ACSL6: variants seen among roughly 807,000 people sequenced by gnomAD.
ACSL6 encodes the protein acyl-CoA synthetase long chain family member 6.
ACSL6 carries 47 observed loss-of-function variants against 98.2 expected under a neutral mutation model. The observed-to-expected ratio is 0.48, with a 90% confidence interval of 0.38 to 0.61. The LOEUF (loss-of-function observed/expected upper bound fraction) is 0.61, where lower values mean the gene tolerates loss of function less well. Ranked by LOEUF, ACSL6 falls within the 20% of genes least tolerant of loss-of-function variation. The pLI is 0.00. For missense variants in ACSL6, 761 were observed against 913.4 expected (o/e 0.83, Z 2.15); for synonymous variants, 362 against 336.9 (o/e 1.07, Z -0.82).
At chr5:131,977,890 G>C (rs1034740331) in intron 9 of ACSL6, among the ~76,000 whole-genome samples, 2 of 151,866 alleles carry the variant, frequency 1.3e-5, no homozygotes, top group Non-Finnish European at 2.9e-5. Context: ...GAGAGAGAGA[G>C]AGAACTTTTT....
At chr5:131,973,500 T>G in intron 11 of ACSL6, 100 bp from the exon 12 acceptor site, 2 of 1,257,158 alleles carry the variant, frequency 1.6e-6, no homozygotes, top group Non-Finnish European at 2.2e-6. Context: ...AGGGCACCCA[T>G]GACCCCCTGA....
rs1313910098 is a variant in ACSL6, at chr5:131,952,770, G to A, written c.*1464C>T. On this transcript the variant is annotated 3_prime_UTR_variant, in exon 21 of 21. Transcript: ENST00000651883. ...AAGGAGGTTTTAGTGGTTAAACTTC[G>A]GCACGCTTAAAGATTTTAGGAATGT... 5 of 218,224 alleles carry A rather than the reference G, an allele frequency of 2.3e-5. No individual in the cohort carries two copies. Among genetic ancestry groups the A allele is most frequent in the Non-Finnish European group, 1.8e-5 (2 of 108,756 alleles). The allele number at this position is 218,224 out of a possible 1,614,324, so 13.5% of individuals were successfully genotyped here.
At chr5:131,989,957 A>C (rs544869274) in intron 4 of ACSL6, 143 bp downstream of exon 4, 1 of 863,804 alleles carries the variant, frequency 1.2e-6, no homozygotes, top group South Asian at 1.7e-5. Flanking sequence ...AAGCCCTTCA[A>C]GGCTGTTGCC....
intron 9 of ACSL6, among the ~76,000 whole-genome samples, chr5:131,978,114 GGGAATCTGGATATGGAGT>G (rs1753714027): frequency 6.6e-6 from 1 of 152,222 alleles, no homozygotes; most frequent in African/African-American, 2.4e-5. Context: ...ATTAATCCCA[GGGAATCTGGATATGGAGT>G]CTACAGAAGG....
intron 9 of ACSL6, among the ~76,000 whole-genome samples, chr5:131,977,204 G>T (rs1433641481): frequency 1.3e-5 from 2 of 152,260 alleles, no homozygotes; most frequent in South Asian, 2.1e-4. Flanking sequence ...CCAGGCTGGA[G>T]ATCCAAGAGG....
chr5:131,956,777 A>G (rs1387486112), intron 20 of ACSL6, among the ~76,000 whole-genome samples: 1 of 152,156 alleles, frequency 6.6e-6, no homozygotes, highest in Non-Finnish European at 1.5e-5. Flanking sequence ...AAACTGTCCA[A>G]TTGTGAACTT....
chr5:131,992,471 T>C (rs1440462826), intron 2 of ACSL6, among the ~76,000 whole-genome samples: 1 of 152,192 alleles, frequency 6.6e-6, no homozygotes, highest in East Asian at 1.9e-4. Flanking sequence ...ACTCTGGCTT[T>C]CTGGGCTCCT....
chr5:131,988,367 G>A, intron 6 of ACSL6, 141 bp from the exon 7 acceptor site: 3 of 1,284,680 alleles, frequency 2.3e-6, no homozygotes, highest in Non-Finnish European at 3.3e-6. Context: ...ACATAAGACA[G>A]GCCTCGTGTA....
intron 17 of ACSL6, 148 bp downstream of exon 17, chr5:131,966,268 A>C (rs1237381211): frequency 2.3e-5 from 16 of 710,294 alleles, no homozygotes; most frequent in Non-Finnish European, 3.7e-5. Context: ...GGGCTCAGGG[A>C]AGGAAGAGCC....
At chr5:132,012,013 C>T, upstream of ACSL6, 2 of 1,454,664 alleles carry the variant, frequency 1.4e-6, no homozygotes, top group East Asian at 5.4e-5. Context: ...CATCAACACG[C>T]GACCCTGCCC....
chr5:131,995,704 G>A (rs947710597), intron 1 of ACSL6, among the ~76,000 whole-genome samples: 1 of 152,170 alleles, frequency 6.6e-6, no homozygotes, highest in Non-Finnish European at 1.5e-5. Flanking sequence ...CGGAGATGAA[G>A]TCAGTGATGT....
At chr5:131,977,888 G>A (rs1003641388) in intron 9 of ACSL6, among the ~76,000 whole-genome samples, 3 of 151,920 alleles carry the variant, frequency 2.0e-5, no homozygotes, top group Non-Finnish European at 4.4e-5. Flanking sequence ...GAGAGAGAGA[G>A]AGAGAACTTT....
intron 6 of ACSL6, 61 bp downstream of exon 6, chr5:131,988,744 G>A (rs1041943266): frequency 1.3e-6 from 2 of 1,570,918 alleles, no homozygotes; most frequent in African/African-American, 2.7e-5. Context: ...AACCTGAGAA[G>A]CTGGAGGCTG....
At chr5:131,967,704 T>TAATC (rs1753093253) in intron 16 of ACSL6, among the ~76,000 whole-genome samples, 1 of 148,006 alleles carries the variant, frequency 6.8e-6, no homozygotes, top group East Asian at 2.0e-4. Flanking sequence ...AATAATTAAT[T>TAATC]AATTTAAAAA....
chr5:131,967,883 TG>T, intron 16 of ACSL6, 56 bp downstream of exon 16: 1 of 1,482,410 alleles, frequency 6.7e-7, no homozygotes, highest in East Asian at 2.3e-5. Flanking sequence ...CTACTGTTCT[TG>T]TTTTTACTCA....
intron 11 of ACSL6, 37 bp downstream of exon 11, chr5:131,974,856 C>T (rs768422694): frequency 6.2e-7 from 1 of 1,613,858 alleles, no homozygotes; most frequent in Non-Finnish European, 8.5e-7. Context: ...AAAGAAGGAG[C>T]CCAGGCAAGG....
chr5:131,988,638 C>G (rs1173241224), intron 6 of ACSL6, 167 bp downstream of exon 6: 1 of 1,612,504 alleles, frequency 6.2e-7, no homozygotes, highest in Non-Finnish European at 8.5e-7. Context: ...TGACCAGGGA[C>G]AGCTTGACTC....
chr5:131,987,897 G>T, intron 7 of ACSL6, 151 bp downstream of exon 7: 1 of 997,494 alleles, frequency 1.0e-6, no homozygotes, highest in Non-Finnish European at 1.5e-6. Flanking sequence ...CTCACCACCA[G>T]CCCTTGCAAA....
intron 10 of ACSL6, chr5:131,975,658 C>G (rs920145405): frequency 1.0e-6 from 1 of 985,054 alleles, no homozygotes; most frequent in Non-Finnish European, 1.2e-6. Flanking sequence ...TGCTGTGCCC[C>G]GCCAGCAAAG....
Sources: allele counts gnomAD v4.1 joint callset (sites outside exome capture counted in the v4.1 genomes callset), GRCh38; gene constraint gnomAD v4.1.1; transcripts MANE v1.5; gene names NCBI Gene and HGNC (gene_info 2026-07-23, HGNC 2026-07-21).